Variants in FAM53C observed in about 807,000 individuals in gnomAD.
The protein encoded by FAM53C is protein FAM53C.
In FAM53C, 10 loss-of-function variants were observed where a neutral mutation model predicts 34.7. The ratio of observed to expected loss-of-function variants is 0.29; its 90% confidence interval spans 0.18 to 0.49. FAM53C has a LOEUF of 0.49. Among genes scored for constraint, FAM53C ranks in the 20% least tolerant of loss-of-function variants. The pLI is 0.99. For missense variants in FAM53C, 442 were observed against 515.3 expected (o/e 0.86, Z 1.38); for synonymous variants, 203 against 203.6 (o/e 1.00, Z 0.03).
upstream of FAM53C, chr5:138,337,849 G>T: frequency 1.5e-6 from 1 of 669,884 alleles, no homozygotes; most frequent in Non-Finnish European, 2.2e-6. Context: ...GGGCAGCAGA[G>T]CAGGTGAGGG....
upstream of FAM53C, chr5:138,338,165 G>A (rs1193306782): frequency 1.5e-5 from 19 of 1,289,486 alleles, no homozygotes; most frequent in Non-Finnish European, 1.8e-5. Context: ...TGGGTGGCTT[G>A]GGGGGATTCT....
intron 1 of FAM53C, 172 bp downstream of exon 1, chr5:138,338,479 A>G: frequency 3.0e-6 from 1 of 328,592 alleles, no homozygotes; most frequent in Non-Finnish European, 5.9e-6. Flanking sequence ...GCGGAGTGCT[A>G]AGTCCCAGAC....
At position 138,339,395 on chromosome 5, in the gene FAM53C, T is replaced by C. The variant is rs573163612; in HGVS notation, c.-153+1088T>C. ...GCTGAGAGTATCAGTTGCGTGGTGG[T>C]AGTTGCATTGTTCCAATTACCACTG... On this transcript the variant is annotated intron_variant, in intron 1 of 4. Transcript: ENST00000239906. Among the ~76,000 whole-genome samples, 218 of 152,314 alleles carry C rather than the reference T, an allele frequency of 1.4e-3. 1 individual carries two copies. Among genetic ancestry groups the C allele is most frequent in the African/African-American group, 5.1e-3 (212 of 41,556 alleles).
rs1580863102 is a variant in FAM53C at position 138,348,766 on chromosome 5, A to G, written c.*1807A>G. On this transcript the variant is annotated 3_prime_UTR_variant, in exon 5 of 5. Transcript: ENST00000239906. ...TCTAGGGGCCTGAGAGAGGCCCTCT[A>G]GAGAATCCAGGGAAACTGTGAGCCC... 6.6e-6 allele frequency: 1 copy of G among 152,182 alleles called. No homozygotes were observed. The highest frequency in any genetic ancestry group is 2.1e-4 in the South Asian group (1 of 4,834). The allele number at this position is 152,182 out of a possible 1,614,324, so 9.4% of individuals were successfully genotyped here.
chr5:138,345,133 G>T lies in FAM53C; in HGVS notation c.445G>T (p.Gly149Cys). 2 of 1,614,154 alleles carry T rather than the reference G, an allele frequency of 1.2e-6. No individual in the cohort carries two copies. Among genetic ancestry groups the T allele is most frequent in the South Asian group, 2.2e-5 (2 of 91,084 alleles). The change falls in exon 4 of 5, where the codon GGC becomes TGC. Residue 149 changes from glycine to cysteine, a missense_variant. Physicochemically the swap from Gly to Cys is radical, Grantham distance 159 (BLOSUM62 -3). Transcript: ENST00000239906. The surrounding 1 kb of genome is among the most constrained non-coding windows in gnomAD (Gnocchi z 6.3). ...SKLWTPIKHRGSGGGGGPQVP... is the reference protein window; with the variant it reads ...SKLWTPIKHRCSGGGGGPQVP... ...GCTGTGGACTCCCATAAAGCACCGG[G>T]GCAGTGGTGGAGGGGGTGGGCCGCA...
At position 138,344,695 on chromosome 5, in the gene FAM53C, C is replaced by T. The variant is rs917821322; in HGVS notation, c.137-130C>T. 125 of 696,132 alleles carry T rather than the reference C, an allele frequency of 1.8e-4. 1 individual carries two copies. The East Asian group carries it at 2.5e-3, about 14-fold the overall frequency. The allele number at this position is 696,132 out of a possible 1,614,324, so 43.1% of individuals were successfully genotyped here. A position where few individuals can be genotyped will look rare whatever the true frequency, so the allele number is the denominator to read the frequency against. Reference sequence around the variant, plus strand: ...ATCTGTGAAATGGGGATAATGATAACGATACTACCTACCTCATAAGGTTTT... The same window carrying T: ...ATCTGTGAAATGGGGATAATGATAATGATACTACCTACCTCATAAGGTTTT... On this transcript the variant is annotated intron_variant, in intron 3 of 4. Transcript: ENST00000239906.
intron 4 of FAM53C, among the ~76,000 whole-genome samples, chr5:138,346,224 C>G (rs1761170046): frequency 6.6e-6 from 1 of 152,214 alleles, no homozygotes; most frequent in Non-Finnish European, 1.5e-5. Context: ...CTGACTCTGA[C>G]TAGGCACTGG....
upstream of FAM53C, chr5:138,338,246 G>A: frequency 8.6e-7 from 1 of 1,165,458 alleles, no homozygotes; most frequent in Middle Eastern, 2.2e-4. Context: ...TAAGGGCACC[G>A]TGGGGCGAAC....
In FAM53C at chr5:138,341,879, G is replaced by T; in HGVS notation, c.136+13G>T. ...CAGCTTGTGTCTGGTAAGGCATCGT[G>T]TGTGTTTGTGTACGTGTGTGTACCC... On this transcript the variant is annotated intron_variant, in intron 3 of 4. Coordinates refer to ENST00000239906, the MANE Select transcript of FAM53C (RefSeq NM_016605.3). 1 of 1,613,662 alleles carries T rather than the reference G, an allele frequency of 6.2e-7. No individual in the cohort carries two copies. The highest frequency in any genetic ancestry group is 8.5e-7 in the Non-Finnish European group (1 of 1,179,534).
At chr5:138,337,959 C>G (rs937722265), upstream of FAM53C, 1 of 1,289,486 alleles carries the variant, frequency 7.8e-7, no homozygotes, top group East Asian at 5.6e-5. Context: ...TGTTTACCTT[C>G]TTCCGACATG....
rs1398470601 is a variant in FAM53C, at chr5:138,346,770, G to T, written c.990G>T (p.Trp330Cys). ...AREGSSISPPWFMACSPPPLS... is the reference protein window; with the variant it reads ...AREGSSISPPCFMACSPPPLS... Reference sequence around the variant, plus strand: ...AAGGCAGCAGCATCTCTCCACCATGGTTCATGGCCTGTAGCCCCCCACCCC... The same window carrying T: ...AAGGCAGCAGCATCTCTCCACCATGTTTCATGGCCTGTAGCCCCCCACCCC... The change falls in exon 5 of 5, where the codon TGG becomes TGT. Residue 330 changes from tryptophan to cysteine, a missense_variant. Coordinates refer to ENST00000239906, the MANE Select transcript of FAM53C (RefSeq NM_016605.3). The T allele has an allele frequency of 6.2e-7, 1 of 1,614,178 alleles. No homozygotes were observed.
At chr5:138,338,598 C>G (rs999238747) in intron 1 of FAM53C, among the ~76,000 whole-genome samples, 7 of 150,770 alleles carry the variant, frequency 4.6e-5, no homozygotes, top group Non-Finnish European at 7.4e-5. Context: ...CACCCCCCCC[C>G]CCGCCCCGGG....
At chr5:138,339,951 G>T (rs549016603) in intron 1 of FAM53C, among the ~76,000 whole-genome samples, 1 of 152,294 alleles carries the variant, frequency 6.6e-6, no homozygotes, top group South Asian at 2.1e-4. Flanking sequence ...AGAAGGAAGA[G>T]CCCTCTTGGG....
At chr5:138,338,183 G>T (rs1760852851), upstream of FAM53C, 3 of 1,287,876 alleles carry the variant, frequency 2.3e-6, no homozygotes, top group Non-Finnish European at 3.0e-6. Context: ...TCTGCGAGCC[G>T]GAGCTGTCCC....
rs1015102077 is a variant in FAM53C at position 138,341,019 on chromosome 5, A to T, written c.-152-165A>T. On this transcript the variant is annotated intron_variant, in intron 1 of 4. Transcript: ENST00000239906. ...ATTTCATATCTGGACTGCCAAGTTC[A>T]TAATTTCTGAAGCTGTGTTTAGGCT... 2.6e-5 allele frequency among the ~76,000 whole-genome samples: 4 copies of T among 152,244 alleles called. 1 individual carries two copies. The highest frequency in any genetic ancestry group is 5.9e-5 in the Non-Finnish European group (4 of 68,044).
intron 2 of FAM53C, 131 bp from the exon 3 acceptor site, chr5:138,341,678 A>G (rs978632004): frequency 1.2e-6 from 1 of 865,924 alleles, no homozygotes; most frequent in Admixed American, 1.9e-5. Flanking sequence ...TGGGAAGACA[A>G]GAGGAAGAAC....
chr5:138,348,139 C>T lies in FAM53C; in HGVS notation c.*1180C>T, dbSNP rs1761231880. On this transcript the variant is annotated 3_prime_UTR_variant, in exon 5 of 5. Coordinates refer to ENST00000239906, the MANE Select transcript of FAM53C (RefSeq NM_016605.3). ...AGCATTTAATAGTTTGCTTGTCTTC[C>T]ACTCCTGCCAGGAAGTGTTTATTTG... is the stretch of plus-strand genomic sequence containing the variant. 1 of 152,622 alleles carries T rather than the reference C, an allele frequency of 6.6e-6. No homozygotes were observed. Among genetic ancestry groups the T allele is most frequent in the African/African-American group, 2.4e-5 (1 of 41,418 alleles). 9.5% of individuals were successfully genotyped at this position (152,622 alleles called of 1,614,324 possible).
rs1761125750 is a variant in FAM53C at position 138,344,938 on chromosome 5, G to A, written c.250G>A (p.Gly84Arg). Reference protein sequence around the residue: ...LSLHLRPPSRGNSPKEQPFSQ... With the variant: ...LSLHLRPPSRRNSPKEQPFSQ... ...CCTGCACCTCAGACCACCCAGTCGG[G>A]GAAACTCCCCCAAGGAGCAGCCCTT... Residue 84 changes from glycine to arginine, a missense_variant, in exon 4 of 5, where the codon GGA (glycine) becomes AGA (arginine). By Grantham distance (125) the Gly-to-Arg change is moderately radical (BLOSUM62 -2). Transcript: ENST00000239906. The A allele has an allele frequency of 6.2e-7, 1 of 1,613,986 alleles. No individual in the cohort carries two copies. Among genetic ancestry groups the A allele is most frequent in the South Asian group, 1.1e-5 (1 of 91,082 alleles).
rs902421449 is a variant in FAM53C at position 138,338,285 on chromosome 5, C to T, written c.-175C>T. The T allele has an allele frequency of 1.2e-6, 1 of 839,770 alleles. No homozygotes were observed. Among genetic ancestry groups the T allele is most frequent in the Non-Finnish European group, 1.7e-6 (1 of 579,388 alleles). The allele number at this position is 839,770 out of a possible 1,614,324, so 52.0% of individuals were successfully genotyped here. On this transcript the variant is annotated 5_prime_UTR_variant, in exon 1 of 5. Transcript: ENST00000239906. ...GCGCTCAGAGCTGCTCCGGCCGCGG[C>T]CCTGGGAGCTGGAGGAACCGCGGTA... is the stretch of plus-strand genomic sequence containing the variant.
Sources: allele counts gnomAD v4.1 joint callset (sites outside exome capture counted in the v4.1 genomes callset), GRCh38; gene constraint gnomAD v4.1.1; non-coding constraint Gnocchi (gnomAD v3.1); transcripts MANE v1.5; gene names NCBI Gene and HGNC (gene_info 2026-07-23, HGNC 2026-07-21).